The following NKAIN2 variants were observed in gnomAD, a reference collection of about 807,000 sequenced individuals.
NKAIN2 encodes sodium/potassium transporting ATPase interacting 2.
In NKAIN2, 14 loss-of-function variants were observed where a neutral mutation model predicts 32.6. That is an observed-to-expected ratio of 0.43 (90% CI 0.28 to 0.67). The LOEUF (loss-of-function observed/expected upper bound fraction) is 0.67. Among genes scored for constraint, NKAIN2 ranks in the 30% least tolerant of loss-of-function variants. The pLI, the probability that NKAIN2 is intolerant of heterozygous loss-of-function variation, is 0.17. For missense variants in NKAIN2, 198 were observed against 258.3 expected (o/e 0.77, Z 1.60); for synonymous variants, 80 against 87.2 (o/e 0.92, Z 0.46).
At chr6:124,183,205 T>C (rs904143598) in intron 1 of NKAIN2, among the ~76,000 whole-genome samples, 2 of 151,964 alleles carry the variant, frequency 1.3e-5, no homozygotes, top group African/African-American at 4.8e-5. Context: ...AATATAATAA[T>C]TGAAGGAGAA....
chr6:124,743,215 G>C (rs1777299889), intron 4 of NKAIN2, among the ~76,000 whole-genome samples: 1 of 151,802 alleles, frequency 6.6e-6, no homozygotes, highest in Admixed American at 6.6e-5. Context: ...CCAGTGTCCT[G>C]ACCTGTAGGA....
chr6:124,673,701 A>G (rs1290726097), intron 4 of NKAIN2, among the ~76,000 whole-genome samples: 2 of 151,452 alleles, frequency 1.3e-5, no homozygotes, highest in East Asian at 1.9e-4. Context: ...AGAAATATTT[A>G]CTTAAGTTCT....
intron 5 of NKAIN2, among the ~76,000 whole-genome samples, chr6:124,813,310 A>C (rs1780999643): frequency 6.6e-6 from 1 of 152,182 alleles, no homozygotes; most frequent in Admixed American, 6.5e-5. Context: ...AGAAGAATCT[A>C]ATACTGTAGA....
intron 1 of NKAIN2, among the ~76,000 whole-genome samples, chr6:123,897,157 G>T (rs1446418151): frequency 6.6e-6 from 1 of 152,054 alleles, no homozygotes; most frequent in Non-Finnish European, 1.5e-5. Context: ...ACTTCCTATT[G>T]AATAATTTTA....
At chr6:124,403,887 TTC>T (rs752710087) in intron 3 of NKAIN2, among the ~76,000 whole-genome samples, 6 of 152,178 alleles carry the variant, frequency 3.9e-5, no homozygotes, top group Non-Finnish European at 5.9e-5. Flanking sequence ...TTCAAATCTG[TTC>T]TTTCTTTTAT....
At chr6:124,787,089 G>A (rs932137065) in intron 4 of NKAIN2, among the ~76,000 whole-genome samples, 2 of 151,914 alleles carry the variant, frequency 1.3e-5, no homozygotes, top group Non-Finnish European at 2.9e-5. Context: ...TATCTCAAAA[G>A]TGCCAAGCAC....
intron 3 of NKAIN2, among the ~76,000 whole-genome samples, chr6:124,447,827 C>A (rs898315696): frequency 4.6e-5 from 7 of 152,090 alleles, no homozygotes; most frequent in African/African-American, 1.4e-4. Context: ...CTCATTCTCT[C>A]CACTCCTCAC....
intron 3 of NKAIN2, among the ~76,000 whole-genome samples, chr6:124,412,579 C>T (rs947837595): frequency 6.6e-6 from 1 of 152,158 alleles, no homozygotes; most frequent in South Asian, 2.1e-4. Context: ...TGTCAGTCTG[C>T]CCCTACTGAG....
intron 1 of NKAIN2, among the ~76,000 whole-genome samples, chr6:124,095,106 G>C (rs182448785): frequency 1.5e-3 from 235 of 152,188 alleles, no homozygotes; most frequent in Middle Eastern, 3.4e-3. Flanking sequence ...CTGATGATTA[G>C]CATAGTTGAA....
intron 1 of NKAIN2, among the ~76,000 whole-genome samples, chr6:123,944,341 A>G (rs774289813): frequency 1.2e-4 from 18 of 152,024 alleles, no homozygotes; most frequent in Non-Finnish European, 2.1e-4. Context: ...TTAACCCCTA[A>G]TCAGACTTCA....
chr6:124,169,300 A>G (rs1271374169), intron 1 of NKAIN2, among the ~76,000 whole-genome samples: 2 of 152,084 alleles, frequency 1.3e-5, no homozygotes, highest in East Asian at 3.9e-4. Flanking sequence ...AGAAATTTGC[A>G]TTTGATAAAA....
intron 3 of NKAIN2, among the ~76,000 whole-genome samples, chr6:124,618,000 G>C (rs945661628): frequency 2.6e-5 from 4 of 152,018 alleles, no homozygotes; most frequent in African/African-American, 9.7e-5. Context: ...TTTTGCAGTT[G>C]CACAAATGAA....
chr6:124,461,132 T>C (rs1276563694), intron 3 of NKAIN2, among the ~76,000 whole-genome samples: 1 of 151,918 alleles, frequency 6.6e-6, no homozygotes, highest in Non-Finnish European at 1.5e-5. Flanking sequence ...GTCTTTATAC[T>C]ATGCTGAGAC....
At chr6:124,406,263 C>A (rs1312380443) in intron 3 of NKAIN2, among the ~76,000 whole-genome samples, 2 of 152,034 alleles carry the variant, frequency 1.3e-5, no homozygotes, top group East Asian at 3.9e-4. Context: ...TCCTAGGCAA[C>A]CACTAATCTT....
Position 124,409,299 on chromosome 6 carries a change from T to C in NKAIN2, c.273+53952T>C, listed in dbSNP as rs372031866. Among the ~76,000 whole-genome samples, 85 of 152,308 alleles carry C rather than the reference T, an allele frequency of 5.6e-4. No homozygotes were observed. The East Asian group carries it at 0.013, about 24-fold the overall frequency. ...TTTTCAAAGGGAATGCTTCCAGTTT[T>C]TGCCCATTCAGTATGATATTGGCTG... On this transcript the variant is annotated intron_variant, in intron 3 of 6. Coordinates refer to ENST00000368417, the MANE Select transcript of NKAIN2 (RefSeq NM_001040214.3).
chr6:124,813,112 T>C (rs1780979811), intron 5 of NKAIN2, among the ~76,000 whole-genome samples: 2 of 152,116 alleles, frequency 1.3e-5, no homozygotes, highest in African/African-American at 2.4e-5. Context: ...AAATACTTAT[T>C]TGGTGTCCTG....
chr6:124,645,413 A>G (rs1287822146), intron 3 of NKAIN2, among the ~76,000 whole-genome samples: 1 of 152,196 alleles, frequency 6.6e-6, no homozygotes, highest in Admixed American at 6.5e-5. Flanking sequence ...CAGCATCAGC[A>G]GTTTCTAAAC....
intron 3 of NKAIN2, among the ~76,000 whole-genome samples, chr6:124,525,802 GA>G (rs1779290066): frequency 6.6e-6 from 1 of 152,104 alleles, no homozygotes; most frequent in East Asian, 1.9e-4. Context: ...TTCTGAGAAT[GA>G]AAAAATGTTA....
chr6:124,653,416 G>T (rs1784433203), intron 3 of NKAIN2, among the ~76,000 whole-genome samples: 4 of 132,318 alleles, frequency 3.0e-5, no homozygotes, highest in Non-Finnish European at 3.2e-5. Context: ...TTCAATAAAT[G>T]GTGCTGGAAT....
Sources: allele counts gnomAD v4.1 joint callset (sites outside exome capture counted in the v4.1 genomes callset), GRCh38; gene constraint gnomAD v4.1.1; transcripts MANE v1.5; gene names NCBI Gene and HGNC (gene_info 2026-07-23, HGNC 2026-07-21).